HEATR4: variants seen among roughly 807,000 people sequenced by gnomAD.
The protein encoded by HEATR4 is HEAT repeat-containing protein 4.
A neutral mutation model predicts 108.8 loss-of-function variants in HEATR4; 95 were observed. The ratio of observed to expected loss-of-function variants is 0.87; its 90% confidence interval spans 0.74 to 1.04. The LOEUF (loss-of-function observed/expected upper bound fraction) is 1.04, where lower values mean the gene tolerates loss of function less well. Among genes scored for constraint, HEATR4 ranks in the 50% least tolerant of loss-of-function variants. The pLI is 0.00. For synonymous variants in HEATR4, 443 were observed against 459.4 expected (o/e 0.96, Z 0.46); for missense variants, 1,152 against 1,253.8 (o/e 0.92, Z 1.23).
the HEATR4 span, among the ~76,000 whole-genome samples, chr14:73,565,998 T>G: frequency 6.6e-6 from 1 of 151,832 alleles, no homozygotes; most frequent in South Asian, 2.1e-4. Flanking sequence ...GCGTTTACAA[T>G]TCCTCAGCTA....
intron 5 of HEATR4, among the ~76,000 whole-genome samples, chr14:73,514,855 T>A (rs1260675663): frequency 6.6e-6 from 1 of 151,752 alleles, no homozygotes; most frequent in Non-Finnish European, 1.5e-5. Context: ...GATCACGAGG[T>A]CAGGAGATCG....
chr14:73,587,000 T>A, the HEATR4 span, among the ~76,000 whole-genome samples: 10 of 152,180 alleles, frequency 6.6e-5, no homozygotes, highest in Non-Finnish European at 1.0e-4. Flanking sequence ...TTTAGTTCCA[T>A]ACTGAAGTCC....
chr14:73,614,876 C>T, the HEATR4 span, among the ~76,000 whole-genome samples: 1 of 151,700 alleles, frequency 6.6e-6, no homozygotes, highest in South Asian at 2.1e-4. Context: ...GCAGGTGGAT[C>T]ACCTGAGGTC....
chr14:73,623,737 G>C, the HEATR4 span, among the ~76,000 whole-genome samples: 1 of 151,926 alleles, frequency 6.6e-6, no homozygotes, highest in Non-Finnish European at 1.5e-5. Flanking sequence ...GTGGTGTTTG[G>C]GTCATGAGGG....
At chr14:73,490,936 G>C (rs1380304286) in intron 17 of HEATR4, 37 of 1,272,108 alleles carry the variant, frequency 2.9e-5, no homozygotes, top group Non-Finnish European at 3.5e-5. Flanking sequence ...CCTTCCCAGA[G>C]TGCACCGCAG....
intron 10 of HEATR4, among the ~76,000 whole-genome samples, chr14:73,504,338 G>A (rs1241784950): frequency 6.6e-6 from 1 of 151,982 alleles, no homozygotes; most frequent in Admixed American, 6.6e-5. Flanking sequence ...CACCTCCTGG[G>A]ATCACGCCAT....
the HEATR4 span, chr14:73,592,302 G>T: frequency 6.2e-7 from 1 of 1,611,554 alleles, no homozygotes; most frequent in Non-Finnish European, 8.5e-7. Context: ...CCACGACCCC[G>T]AGCCTGGACG....
chr14:73,560,207 G>T (rs1433116983), upstream of HEATR4, among the ~76,000 whole-genome samples: 1 of 152,094 alleles, frequency 6.6e-6, no homozygotes, highest in Non-Finnish European at 1.5e-5. Context: ...CTAAGGCTCT[G>T]TCTCGTTGAC....
At chr14:73,583,690 G>A in the HEATR4 span, among the ~76,000 whole-genome samples, 5 of 151,894 alleles carry the variant, frequency 3.3e-5, no homozygotes, top group Admixed American at 1.3e-4. Flanking sequence ...CAACTTCCTG[G>A]GCACGTGCAT....
chr14:73,586,230 C>A, the HEATR4 span, among the ~76,000 whole-genome samples: 7 of 150,494 alleles, frequency 4.7e-5, no homozygotes, highest in Non-Finnish European at 8.8e-5. Context: ...CCTGTCACTA[C>A]TAAACATACA....
Position 73,502,942 on chromosome 14 carries a change from C to A in HEATR4, c.2058G>T (p.Gln686His). 3.1e-6 allele frequency: 5 copies of A among 1,614,112 alleles called. No individual in the cohort carries two copies. The highest frequency in any genetic ancestry group is 4.2e-6 in the Non-Finnish European group (5 of 1,180,036). ...TCCCGAGGCTCATTTGCCCAAGCGC[C>A]TGTGCAGCTGCTCTCCTCACTTCCT... The part of the protein sequence containing the change: ...WNKEVRRAAA[Q>H]ALGQMSLGKE... The change falls in exon 11 of 18, where the codon CAG becomes CAT. Residue 686 changes from glutamine (Q) to histidine (H), a missense_variant. Coordinates refer to ENST00000553558, the MANE Select transcript of HEATR4 (RefSeq NM_001220484.1).
Position 73,521,075 on chromosome 14 carries a change from A to G in HEATR4, c.882-36T>C. The stretch of plus-strand genomic sequence containing the variant: ...GTGAGAAAGGAGGGAAAAGGGGGAA[A>G]GAGTAGGAGGTGGATCCCCCTTTCC... On this transcript the variant is annotated intron_variant, in intron 3 of 17. Coordinates refer to ENST00000553558, the MANE Select transcript of HEATR4 (RefSeq NM_001220484.1). The G allele has an allele frequency of 1.9e-6, 3 of 1,575,486 alleles. No individual in the cohort carries two copies. In the South Asian group the frequency reaches 3.4e-5, roughly 18 times the overall value.
the HEATR4 span, chr14:73,569,359 G>C: frequency 6.2e-7 from 1 of 1,613,882 alleles, no homozygotes; most frequent in African/African-American, 1.3e-5. Context: ...AGCCTGAAGA[G>C]TTCGGCGCAG....
At position 73,492,450 on chromosome 14, in the gene HEATR4, T is replaced by C. The variant is rs760325765; in HGVS notation, c.2844+616A>G. 1.2e-6 allele frequency: 2 copies of C among 1,613,756 alleles called. No homozygotes were observed. Among genetic ancestry groups the C allele is most frequent in the South Asian group, 2.2e-5 (2 of 91,058 alleles). On this transcript the variant is annotated intron_variant, in intron 17 of 17. Coordinates refer to ENST00000553558, the MANE Select transcript of HEATR4 (RefSeq NM_001220484.1). This position sits in a 1 kb window ranked among gnomAD's most constrained non-coding sequence, Gnocchi z 4.9. ...AAGGATCCGCGAAGAACCGCTTTCA[T>C]GGAGAAGGTGCGGGTCTTGGTTGCC...
At position 73,502,894 on chromosome 14, in the gene HEATR4, C is replaced by T. The variant is rs536726874; in HGVS notation, c.2105+1G>A. On this transcript the variant is annotated splice_donor_variant, in intron 11 of 17. Coordinates refer to ENST00000553558, the MANE Select transcript of HEATR4 (RefSeq NM_001220484.1). LOFTEE classifies it high-confidence loss of function. ...GTCTCCTCATGTTGACTGGGTCTTA[C>T]CTGATTATGTCGTGCACCTCTTTCC... The T allele has an allele frequency of 3.1e-6, 5 of 1,608,660 alleles. No homozygotes were observed. The highest frequency in any genetic ancestry group is 2.6e-6 in the Non-Finnish European group (3 of 1,175,266).
At position 73,535,129 on chromosome 14, in the gene HEATR4, C is replaced by A. The variant is rs1445608170; in HGVS notation, c.-151-4885G>T. The stretch of plus-strand genomic sequence containing the variant: ...GACATCACAATTAAACTGGTAAAAC[C>A]AAATTTATATTGCTAACTTGTTTCT... On this transcript the variant is annotated intron_variant, in intron 1 of 17. Transcript: ENST00000553558. Among the ~76,000 whole-genome samples, 2 of 114,594 alleles carry A rather than the reference C, an allele frequency of 1.7e-5. 1 individual carries two copies. Among genetic ancestry groups the A allele is most frequent in the Non-Finnish European group, 3.8e-5 (2 of 52,782 alleles). The allele number at this position is 114,594 out of a possible 152,430, so 75.2% of individuals were successfully genotyped here.
At chr14:73,573,824 TC>T in the HEATR4 span, among the ~76,000 whole-genome samples, 4 of 151,966 alleles carry the variant, frequency 2.6e-5, no homozygotes, top group African/African-American at 9.7e-5. Flanking sequence ...CCTCCCAAGT[TC>T]AAGTGATTCT....
chr14:73,490,455 C>T (rs1885635641), intron 17 of HEATR4, among the ~76,000 whole-genome samples: 1 of 152,244 alleles, frequency 6.6e-6, no homozygotes, highest in Non-Finnish European at 1.5e-5. Context: ...GCCGGGACTA[C>T]AGGCGCCCAG....
the HEATR4 span, chr14:73,591,991 G>A: frequency 7.1e-7 from 1 of 1,417,224 alleles, no homozygotes; most frequent in Non-Finnish European, 9.2e-7. Flanking sequence ...GAGCCCCCAG[G>A]CCGCTGCTGC....
Sources: allele counts gnomAD v4.1 joint callset (sites outside exome capture counted in the v4.1 genomes callset), GRCh38; gene constraint gnomAD v4.1.1; non-coding constraint Gnocchi (gnomAD v3.1); transcripts MANE v1.5; gene names NCBI Gene and HGNC (gene_info 2026-07-23, HGNC 2026-07-21).